The following NECTIN1 variants were observed in gnomAD, a reference collection of about 807,000 sequenced individuals.
NECTIN1 encodes the protein nectin cell adhesion molecule 1, also known as nectin-1.
In NECTIN1, 23 loss-of-function variants were observed where a neutral mutation model predicts 48.0. The ratio of observed to expected loss-of-function variants is 0.48; its 90% CI spans 0.34 to 0.68. The LOEUF (loss-of-function observed/expected upper bound fraction) is 0.68. NECTIN1 is among the 30% of genes least tolerant of loss of function. NECTIN1 has a pLI of 0.01. For synonymous variants in NECTIN1, 270 were observed against 288.9 expected, an observed-to-expected ratio of 0.93 and a Z score of 0.66; for missense variants, 591 against 709.9, an observed-to-expected ratio of 0.83 and a Z score of 1.90.
intron 6 of NECTIN1, chr11:119,638,826 A>G: frequency 1.9e-6 from 3 of 1,606,668 alleles, no homozygotes; most frequent in Non-Finnish European, 2.6e-6. Context: ...GAATGAGGGT[A>G]AGCTCAGCAC....
intron 1 of NECTIN1, among the ~76,000 whole-genome samples, chr11:119,694,715 A>T (rs1297072422): frequency 6.6e-6 from 1 of 152,154 alleles, no homozygotes; most frequent in Non-Finnish European, 1.5e-5. Flanking sequence ...AGGAAGAAAT[A>T]GGGGAGAGAA....
At chr11:119,680,996 G>A (rs1248931099) in intron 1 of NECTIN1, among the ~76,000 whole-genome samples, 2 of 152,226 alleles carry the variant, frequency 1.3e-5, no homozygotes, top group African/African-American at 2.4e-5. Context: ...TTCCTCCTCT[G>A]TAAGGCAGCA....
chr11:119,716,011 C>T (rs150333241), intron 1 of NECTIN1, among the ~76,000 whole-genome samples: 8 of 152,340 alleles, frequency 5.3e-5, no homozygotes, highest in Admixed American at 1.3e-4. Flanking sequence ...CACAACACAT[C>T]CAGGGCAGTG....
chr11:119,672,565 C>T lies in NECTIN1; in HGVS notation c.1003+2594G>A, dbSNP rs1465624036. ...GGCCTGTTGTTTCCCACTAGGGACT[C>T]ACTCATGGTGGCAGCTCCTAACGGG... is the stretch of plus-strand genomic sequence containing the variant. On this transcript the variant is annotated intron_variant, in intron 5 of 5. Transcript: ENST00000264025. This position sits in a 1 kb window ranked among gnomAD's most constrained non-coding sequence, Gnocchi z 4.3. 6.6e-6 allele frequency among the ~76,000 whole-genome samples: 1 copy of T among 152,206 alleles called. No individual in the cohort carries two copies. Among genetic ancestry groups the T allele is most frequent in the Non-Finnish European group, 1.5e-5 (1 of 68,030 alleles).
downstream of NECTIN1, chr11:119,659,233 T>C (rs1026809549): frequency 6.6e-6 from 1 of 152,244 alleles, no homozygotes; most frequent in African/African-American, 2.4e-5. Context: ...AGCATTGCAG[T>C]GCCAGAGTGG....
intron 5 of NECTIN1, among the ~76,000 whole-genome samples, chr11:119,655,852 G>C (rs942209436): frequency 6.6e-5 from 10 of 152,168 alleles, no homozygotes; most frequent in Non-Finnish European, 1.0e-4. Flanking sequence ...GAAAACCCCT[G>C]TCTTGGGGAA....
intron 1 of NECTIN1, among the ~76,000 whole-genome samples, chr11:119,716,901 G>A (rs952088048): frequency 2.0e-5 from 3 of 152,190 alleles, no homozygotes; most frequent in Admixed American, 1.3e-4. Context: ...CCTCATACAC[G>A]CACACACACC....
chr11:119,640,277 G>A, intron 5 of NECTIN1: 1 of 536,954 alleles, frequency 1.9e-6, no homozygotes, highest in East Asian at 3.2e-5. Flanking sequence ...ACAAGGGTGA[G>A]GGTATCTCCT....
intron 1 of NECTIN1, among the ~76,000 whole-genome samples, chr11:119,725,628 G>A (rs1045615451): frequency 6.6e-6 from 1 of 152,228 alleles, no homozygotes; most frequent in Non-Finnish European, 1.5e-5. Context: ...GAAATAGAGA[G>A]AGAGGAAGGA....
Position 119,695,755 on chromosome 11 carries a change from G to C in NECTIN1, c.80-16990C>G, listed in dbSNP as rs186181506. On this transcript the variant is annotated intron_variant, in intron 1 of 5. Coordinates refer to ENST00000264025, the MANE Select transcript of NECTIN1 (RefSeq NM_002855.5). ...AGGCTGATGGGCTGCATATGTGGGG[G>C]CCGCATTCAATTCATGCCTCCAGTG... Among the ~76,000 whole-genome samples, 702 of 152,308 alleles carry C rather than the reference G, an allele frequency of 4.6e-3. 3 individuals are homozygous for C. Among genetic ancestry groups the C allele is most frequent in the Non-Finnish European group, 8.0e-3 (541 of 68,030 alleles).
At chr11:119,681,000 G>A (rs921779409) in intron 1 of NECTIN1, among the ~76,000 whole-genome samples, 3 of 152,230 alleles carry the variant, frequency 2.0e-5, no homozygotes, top group African/African-American at 7.2e-5. Context: ...TCCTCTGTAA[G>A]GCAGCAGACT....
rs147334676 is a variant in NECTIN1 at position 119,664,863 on chromosome 11, C to T, written c.1438G>A (p.Gly480Ser). Residue 480 changes from glycine (G) to serine (S), a missense_variant, in exon 6 of 6, where the codon GGC (glycine) becomes AGC (serine). Gly to Ser is a moderately conservative substitution (Grantham distance 56, BLOSUM62 0). Coordinates refer to ENST00000264025, the MANE Select transcript of NECTIN1 (RefSeq NM_002855.5). The part of the protein sequence containing the change: ...TVDEAEARQD[G>S]YGDRTLGYQY... The stretch of plus-strand genomic sequence containing the variant: ...TAGCCCAGAGTCCGGTCCCCGTAGC[C>T]GTCCTGACGGGCCTCGGCCTCATCC... The T allele has an allele frequency of 5.6e-5, 90 of 1,614,000 alleles. No homozygotes were observed. Among genetic ancestry groups the T allele is most frequent in the Middle Eastern group, 3.3e-4 (2 of 6,060 alleles).
At chr11:119,697,353 C>T (rs1431852996) in intron 1 of NECTIN1, among the ~76,000 whole-genome samples, 2 of 152,160 alleles carry the variant, frequency 1.3e-5, no homozygotes, top group Non-Finnish European at 2.9e-5. Context: ...GCCCTGGTCC[C>T]ATCAGCACGG....
intron 1 of NECTIN1, among the ~76,000 whole-genome samples, chr11:119,711,358 C>T (rs1865642692): frequency 6.6e-6 from 1 of 151,658 alleles, no homozygotes; most frequent in Non-Finnish European, 1.5e-5. Flanking sequence ...CCACCGCACT[C>T]CAGCCTGGGC....
intron 5 of NECTIN1, among the ~76,000 whole-genome samples, chr11:119,666,149 C>A (rs1591450023): frequency 6.6e-6 from 1 of 152,306 alleles, no homozygotes; most frequent in East Asian, 1.9e-4. Context: ...GGGGTGAAAG[C>A]ATGTGCGTGT....
chr11:119,728,443 G>C, intron 1 of NECTIN1, 32 bp downstream of exon 1: 1 of 1,566,152 alleles, frequency 6.4e-7, no homozygotes, highest in Non-Finnish European at 8.7e-7. Flanking sequence ...GCATTGGATG[G>C]GGGTGGGGAC....
intron 4 of NECTIN1, among the ~76,000 whole-genome samples, chr11:119,676,645 T>C (rs1279509858): frequency 6.6e-6 from 1 of 152,166 alleles, no homozygotes; most frequent in Non-Finnish European, 1.5e-5. Context: ...AGCACAGGCA[T>C]TCTAGGCTGG....
chr11:119,643,104 G>C (rs1009856848), intron 5 of NECTIN1: 13 of 153,714 alleles, frequency 8.5e-5, no homozygotes, highest in African/African-American at 2.9e-4. Flanking sequence ...CTCTGATTTT[G>C]TTCCCTCCAA....
intron 5 of NECTIN1, chr11:119,654,286 T>TCCAA (rs1864535921): frequency 2.0e-5 from 3 of 151,936 alleles, no homozygotes; most frequent in South Asian, 4.2e-4. Context: ...CATCCATCCA[T>TCCAA]CCATCCATCC....
Sources: allele counts gnomAD v4.1 joint callset (sites outside exome capture counted in the v4.1 genomes callset), GRCh38; gene constraint gnomAD v4.1.1; non-coding constraint Gnocchi (gnomAD v3.1); transcripts MANE v1.5; gene names NCBI Gene and HGNC (gene_info 2026-07-23, HGNC 2026-07-21).